ERLIN1: variants seen among roughly 807,000 people sequenced by gnomAD.
ERLIN1 encodes erlin-1.
In ERLIN1, 24 loss-of-function variants were observed where a neutral mutation model predicts 46.9. The ratio of observed to expected loss-of-function variants is 0.51; its 90% confidence interval spans 0.37 to 0.72. ERLIN1 has a LOEUF of 0.72. ERLIN1 is among the 30% of genes least tolerant of loss of function. ERLIN1 has a pLI of 0.00. For synonymous variants in ERLIN1, 158 were observed against 143.2 expected (o/e 1.10, Z -0.74); for missense variants, 293 against 417.9 (o/e 0.70, Z 2.61).
Position 100,154,937 on chromosome 10 carries a change from C to T in ERLIN1, c.748G>A (p.Ala250Thr). ...GCTTTCTCTCGGGCCAGGAATGCAG[C>T]ATCTAGCAAATAAACAAAGGAAAGG... The part of the protein sequence containing the change: ...TEKRISEIED[A>T]AFLAREKAKA... Residue 250 changes from alanine (A) to threonine (T), a missense_variant and splice_region_variant, in exon 10 of 11, where the codon GCT (alanine) becomes ACT (threonine). By Grantham distance (58) the Ala-to-Thr change is moderately conservative. This residue lies in a region of ERLIN1 where 148 missense variants were observed against 266.5 expected (regional missense o/e 0.56). Coordinates refer to ENST00000421367, the MANE Select transcript of ERLIN1 (RefSeq NM_006459.4). 6.2e-7 allele frequency: 1 copy of T among 1,613,360 alleles called. No homozygotes were observed. Among genetic ancestry groups the T allele is most frequent in the Non-Finnish European group, 8.5e-7 (1 of 1,179,376 alleles).
intron 7 of ERLIN1, among the ~76,000 whole-genome samples, chr10:100,166,982 A>G (rs770446232): frequency 2.6e-5 from 4 of 152,334 alleles, no homozygotes; most frequent in Non-Finnish European, 4.4e-5. Context: ...TACAACACAG[A>G]AACAAAATAT....
chr10:100,155,104 A>C (rs539452212), intron 9 of ERLIN1, among the ~76,000 whole-genome samples, 165 bp from the exon 10 acceptor site: 11 of 152,288 alleles, frequency 7.2e-5, no homozygotes, highest in Admixed American at 1.3e-4. Flanking sequence ...TCTACGAGGA[A>C]TACTCTTTTC....
At chr10:100,173,777 T>G (rs1844137586) in intron 6 of ERLIN1, among the ~76,000 whole-genome samples, 1 of 152,238 alleles carries the variant, frequency 6.6e-6, no homozygotes, top group South Asian at 2.1e-4. Context: ...CAATGTTCTC[T>G]TACTCTTACA....
rs1275715856 is a variant in ERLIN1, at chr10:100,152,084, AC to A, written c.*46del. On this transcript the variant is annotated 3_prime_UTR_variant, in exon 11 of 11. Transcript: ENST00000421367. ...TCCGTATAATGATTGTTCCCACTTA[AC>A]CCCTTGGGCCACATCTTGATATGGA... The A allele has an allele frequency of 1.7e-6, 2 of 1,178,100 alleles. No homozygotes were observed. The highest frequency in any genetic ancestry group is 2.3e-5 in the East Asian group (1 of 42,920). 73.0% of individuals were successfully genotyped at this position (1,178,100 alleles called of 1,614,324 possible).
Position 100,169,674 on chromosome 10 carries a change from G to A in ERLIN1, c.505-2268C>T, listed in dbSNP as rs576779682. Among the ~76,000 whole-genome samples, 3 of 150,964 alleles carry A rather than the reference G, an allele frequency of 2.0e-5. No individual in the cohort carries two copies. The East Asian group carries it at 5.8e-4, about 29-fold the overall frequency. On this transcript the variant is annotated intron_variant, in intron 6 of 10. Coordinates refer to ENST00000421367, the MANE Select transcript of ERLIN1 (RefSeq NM_006459.4). ...AGCATTAAAATTCATTAAATCCATT[G>A]GTATTAATTTAACTTAGGATATGAG...
intron 8 of ERLIN1, among the ~76,000 whole-genome samples, chr10:100,162,432 T>C (rs557579645): frequency 2.0e-5 from 3 of 152,282 alleles, no homozygotes; most frequent in East Asian, 1.9e-4. Context: ...TATGGCAGCA[T>C]AGAAACTGGA....
chr10:100,180,847 G>A (rs921993947), intron 2 of ERLIN1, among the ~76,000 whole-genome samples: 1 of 152,154 alleles, frequency 6.6e-6, no homozygotes, highest in African/African-American at 2.4e-5. Context: ...AGGGAGGTAA[G>A]AAAACCAGCT....
At chr10:100,155,933 G>A (rs910888166) in intron 9 of ERLIN1, among the ~76,000 whole-genome samples, 9 of 152,190 alleles carry the variant, frequency 5.9e-5, no homozygotes, top group Admixed American at 5.2e-4. Flanking sequence ...GAAAAGGAAA[G>A]CTGAGCTACC....
At chr10:100,167,271 A>G (rs1843697320) in intron 7 of ERLIN1, 77 bp downstream of exon 7, 6 of 1,047,502 alleles carry the variant, frequency 5.7e-6, no homozygotes, top group Admixed American at 1.8e-5. Context: ...ATTGTCTCAC[A>G]TGTTTCCTCT....
At chr10:100,162,117 C>A (rs913721440) in intron 8 of ERLIN1, among the ~76,000 whole-genome samples, 1 of 151,998 alleles carries the variant, frequency 6.6e-6, no homozygotes, top group Non-Finnish European at 1.5e-5. Context: ...AGACAAGCCA[C>A]AAATTGAAAG....
At chr10:100,167,910 T>C (rs957070173) in intron 6 of ERLIN1, among the ~76,000 whole-genome samples, 4 of 152,244 alleles carry the variant, frequency 2.6e-5, no homozygotes, top group African/African-American at 9.6e-5. Flanking sequence ...AATCACTTGG[T>C]ATTTGCTGTA....
chr10:100,172,981 C>A (rs1236842772), intron 6 of ERLIN1, among the ~76,000 whole-genome samples: 1 of 152,204 alleles, frequency 6.6e-6, no homozygotes, highest in Non-Finnish European at 1.5e-5. Flanking sequence ...ACTTGAACAA[C>A]TCAGAGGATT....
intron 8 of ERLIN1, among the ~76,000 whole-genome samples, chr10:100,160,368 T>A (rs1463333954): frequency 6.6e-6 from 1 of 152,042 alleles, no homozygotes; most frequent in East Asian, 1.9e-4. Flanking sequence ...TGATGTGATA[T>A]ACAATAGAAC....
intron 3 of ERLIN1, among the ~76,000 whole-genome samples, 187 bp downstream of exon 3, chr10:100,179,011 GAAC>G (rs1481115284): frequency 1.3e-5 from 2 of 152,168 alleles, no homozygotes; most frequent in Non-Finnish European, 2.9e-5. Flanking sequence ...AATACCATAA[GAAC>G]AATAATGGTT....
intron 5 of ERLIN1, among the ~76,000 whole-genome samples, 198 bp from the exon 6 acceptor site, chr10:100,174,479 G>C (rs1483230081): frequency 1.3e-5 from 2 of 152,168 alleles, no homozygotes; most frequent in African/African-American, 4.8e-5. Flanking sequence ...ATTAAGGAAC[G>C]AAGATGACAA....
intron 6 of ERLIN1, among the ~76,000 whole-genome samples, chr10:100,172,747 G>A (rs942040718): frequency 1.3e-5 from 2 of 152,184 alleles, no homozygotes; most frequent in African/African-American, 2.4e-5. Flanking sequence ...CAGTCAGTTT[G>A]AAAGATAATT....
At chr10:100,154,670 G>A (rs557653881) in intron 10 of ERLIN1, among the ~76,000 whole-genome samples, 190 bp downstream of exon 10, 4 of 152,270 alleles carry the variant, frequency 2.6e-5, no homozygotes, top group Admixed American at 6.5e-5. Context: ...ATGGAATTAC[G>A]GCATTTGGCC....
chr10:100,168,338 G>A (rs1312185675), intron 6 of ERLIN1, among the ~76,000 whole-genome samples: 1 of 152,158 alleles, frequency 6.6e-6, no homozygotes, highest in East Asian at 1.9e-4. Context: ...TTTCCTATAT[G>A]AAATAGATGA....
chr10:100,160,072 T>C (rs571642580), intron 8 of ERLIN1, among the ~76,000 whole-genome samples: 5 of 152,150 alleles, frequency 3.3e-5, no homozygotes, highest in South Asian at 4.1e-4. Flanking sequence ...ACAGATTTGG[T>C]AGAGGTTTTA....
Sources: gnomAD v4.1 joint callset for allele counts (sites outside exome capture counted in the v4.1 genomes callset) on GRCh38, gnomAD v4.1.1 for gene constraint, gnomAD v4.1.1 regional missense constraint, MANE v1.5 for transcripts, NCBI Gene and HGNC (gene_info 2026-07-23, HGNC 2026-07-21) for gene names.